Variants in UBE2U observed in about 807,000 individuals in gnomAD.
The protein encoded by UBE2U is ubiquitin-conjugating enzyme E2 U.
UBE2U carries 39 observed loss-of-function variants against 41.2 expected under a neutral mutation model. The observed-to-expected ratio is 0.95, with a 90% CI of 0.73 to 1.24. The LOEUF is 1.24. UBE2U is among the 50% of genes most tolerant of loss of function. UBE2U has a pLI of 0.00. For synonymous variants in UBE2U, 107 were observed against 117.8 expected (o/e 0.91, Z 0.60); for missense variants, 336 against 363.1 (o/e 0.93, Z 0.61).
At chr1:64,230,956 C>T (rs1231520937) in intron 6 of UBE2U, among the ~76,000 whole-genome samples, 1 of 151,898 alleles carries the variant, frequency 6.6e-6, no homozygotes, top group African/African-American at 2.4e-5. Flanking sequence ...TGCATGTATC[C>T]CTGTAAGCTT....
At chr1:64,256,863 C>G (rs1410322176) in intron 8 of UBE2U, among the ~76,000 whole-genome samples, 2 of 151,492 alleles carry the variant, frequency 1.3e-5, no homozygotes, top group Non-Finnish European at 2.9e-5. Flanking sequence ...GCCATCTATC[C>G]ATCTGATGTC....
intron 8 of UBE2U, among the ~76,000 whole-genome samples, chr1:64,258,598 T>C (rs1452127521): frequency 6.6e-6 from 1 of 152,192 alleles, no homozygotes; most frequent in African/African-American, 2.4e-5. Context: ...TGTGACAGTT[T>C]GCTCAGAATG....
At chr1:64,217,579 G>T (rs1652114001) in intron 5 of UBE2U, among the ~76,000 whole-genome samples, 1 of 151,950 alleles carries the variant, frequency 6.6e-6, no homozygotes, top group Non-Finnish European at 1.5e-5. Context: ...TGTAAGTTTT[G>T]TGTCATTTTT....
At chr1:64,239,092 GGAAGAAGAAGAAGAAGAAGAAGAAGAA>G (rs1221201927) in intron 7 of UBE2U, among the ~76,000 whole-genome samples, 5 of 42,798 alleles carry the variant, frequency 1.2e-4, no homozygotes, top group African/African-American at 5.0e-4. Context: ...AAGAGGAAGA[GGAAGAAGAAGAAGAAGAAGAAGAAGAA>G]GAAGAAGAAG....
At chr1:64,215,810 C>T (rs1219995344) in intron 5 of UBE2U, among the ~76,000 whole-genome samples, 1 of 152,104 alleles carries the variant, frequency 6.6e-6, no homozygotes, top group Non-Finnish European at 1.5e-5. Flanking sequence ...GCCTCCATTG[C>T]CCCTGTGCGC....
At position 64,254,325 on chromosome 1, in the gene UBE2U, C is replaced by T. The variant is rs372462322; in HGVS notation, c.678-6278C>T. 2.6e-5 allele frequency among the ~76,000 whole-genome samples: 4 copies of T among 152,018 alleles called. No individual in the cohort carries two copies. The East Asian group carries it at 7.7e-4, about 29-fold the overall frequency. On this transcript the variant is annotated intron_variant, in intron 8 of 9. Transcript: ENST00000371077. ...CAGTAATAGTGGGAGACTTTAACAC[C>T]CCACTGGCAATATTAGACATATCAT...
At chr1:64,222,392 G>A (rs1652554427) in intron 6 of UBE2U, among the ~76,000 whole-genome samples, 1 of 152,184 alleles carries the variant, frequency 6.6e-6, no homozygotes, top group Non-Finnish European at 1.5e-5. Flanking sequence ...CAGTGCCCGT[G>A]TTTACTAATA....
rs2644493 is a variant in UBE2U, at chr1:64,209,020, A to G, written c.242-1722A>G. The stretch of plus-strand genomic sequence containing the variant: ...GTATATTTGTATAGACCAACTGGTA[A>G]TATTGGTCTTGAATAGTAGAATTAG... On this transcript the variant is annotated intron_variant, in intron 3 of 9. Coordinates refer to ENST00000371077, the MANE Select transcript of UBE2U (RefSeq NM_001366232.2). 8.2e-3 allele frequency among the ~76,000 whole-genome samples: 1,250 copies of G among 152,348 alleles called. 15 individuals carry two copies. Among genetic ancestry groups the G allele is most frequent in the African/African-American group, 0.028 (1,184 of 41,574 alleles).
At chr1:64,210,887 C>T (rs762492870) in intron 4 of UBE2U, 48 bp downstream of exon 4, 3 of 1,320,978 alleles carry the variant, frequency 2.3e-6, no homozygotes, top group Non-Finnish European at 3.1e-6. Context: ...TTTAATTACC[C>T]TAATTATTCA....
At chr1:64,216,278 T>G (rs1652006429) in intron 5 of UBE2U, among the ~76,000 whole-genome samples, 1 of 152,218 alleles carries the variant, frequency 6.6e-6, no homozygotes, top group Non-Finnish European at 1.5e-5. Flanking sequence ...AATTCCCTTC[T>G]TCTAAGTATG....
chr1:64,239,486 T>C (rs540501320), intron 7 of UBE2U, among the ~76,000 whole-genome samples: 3 of 151,476 alleles, frequency 2.0e-5, no homozygotes, highest in Non-Finnish European at 2.9e-5. Context: ...ATCATTTACA[T>C]TAGGTATATC....
chr1:64,205,549 A>G, intron 1 of UBE2U, 90 bp from the exon 2 acceptor site: 1 of 1,027,740 alleles, frequency 9.7e-7, no homozygotes, highest in Non-Finnish European at 1.4e-6. Context: ...TAGAGTTTTT[A>G]GAATTCAGTG....
intron 6 of UBE2U, among the ~76,000 whole-genome samples, chr1:64,230,978 A>C (rs531861684): frequency 6.6e-6 from 1 of 152,216 alleles, no homozygotes; most frequent in Non-Finnish European, 1.5e-5. Flanking sequence ...CTTTATCTGA[A>C]TAATAGTAAA....
chr1:64,255,531 C>A (rs1266444651), intron 8 of UBE2U, among the ~76,000 whole-genome samples: 1 of 152,186 alleles, frequency 6.6e-6, no homozygotes, highest in East Asian at 1.9e-4. Context: ...CAATAAAATA[C>A]TGGCCAACTG....
intron 6 of UBE2U, among the ~76,000 whole-genome samples, chr1:64,223,762 GTTTT>G (rs2100341550): frequency 6.6e-6 from 1 of 152,252 alleles, no homozygotes; most frequent in African/African-American, 2.4e-5. Flanking sequence ...ATAAAGACAA[GTTTT>G]CATAGGAGGT....
intron 5 of UBE2U, among the ~76,000 whole-genome samples, chr1:64,220,248 G>A (rs1652345360): frequency 6.6e-6 from 1 of 152,088 alleles, no homozygotes; most frequent in African/African-American, 2.4e-5. Context: ...TGTGGAGAGA[G>A]AGAGAGAGAG....
intron 8 of UBE2U, among the ~76,000 whole-genome samples, chr1:64,255,940 A>G (rs1003759918): frequency 3.9e-5 from 6 of 152,214 alleles, no homozygotes; most frequent in African/African-American, 1.2e-4. Flanking sequence ...ATACAAAATC[A>G]ATGTGCAAAA....
intron 9 of UBE2U, 127 bp downstream of exon 9, chr1:64,260,821 T>C: frequency 1.6e-6 from 1 of 644,076 alleles, no homozygotes; most frequent in African/African-American, 1.9e-5. Flanking sequence ...TGTTCTCCTT[T>C]TAAGGTTGCT....
chr1:64,236,020 A>G (rs1644660730), intron 7 of UBE2U, among the ~76,000 whole-genome samples: 1 of 152,136 alleles, frequency 6.6e-6, no homozygotes, highest in Non-Finnish European at 1.5e-5. Flanking sequence ...TATGTTGGTA[A>G]AGAATGTACA....
Sources: gnomAD v4.1 joint callset for allele counts (sites outside exome capture counted in the v4.1 genomes callset) on GRCh38, gnomAD v4.1.1 for gene constraint, MANE v1.5 for transcripts, NCBI Gene and HGNC (gene_info 2026-07-23, HGNC 2026-07-21) for gene names.